Variants in ZNF423 observed in about 807,000 individuals in gnomAD.
ZNF423 encodes the protein zinc finger protein 423.
In ZNF423, 12 loss-of-function variants were observed where a neutral mutation model predicts 95.8. The observed-to-expected ratio is 0.13, with a 90% CI of 0.08 to 0.20. The LOEUF (loss-of-function observed/expected upper bound fraction) is 0.20, where lower values mean the gene tolerates loss of function less well. Ranked by LOEUF, ZNF423 falls within the 10% of genes least tolerant of loss-of-function variation. The probability of loss-of-function intolerance (pLI) is 1.00; values close to 1 mark genes in which losing one functional copy is unlikely to be tolerated. For synonymous variants in ZNF423, 749 were observed against 711.9 expected, an observed-to-expected ratio of 1.05 and a Z score of -0.83; for missense variants, 1,316 against 1,737.1, an observed-to-expected ratio of 0.76 and a Z score of 4.31.
intron 7 of ZNF423, among the ~76,000 whole-genome samples, chr16:49,494,838 G>A (rs1001299261): frequency 6.6e-6 from 1 of 152,248 alleles, no homozygotes; most frequent in African/African-American, 2.4e-5. Context: ...ACAGCTAGAA[G>A]CTGTGGTTTG....
intron 2 of ZNF423, 70 bp downstream of exon 2, chr16:49,789,417 T>C: frequency 6.8e-7 from 1 of 1,478,624 alleles, no homozygotes; most frequent in Non-Finnish European, 9.2e-7. Context: ...ACCAGCTGGG[T>C]GGCTTTCTGA....
intron 1 of ZNF423, among the ~76,000 whole-genome samples, chr16:49,803,933 CTTTTTTTTT>C (rs535349308): frequency 9.1e-6 from 1 of 109,532 alleles, no homozygotes; most frequent in Non-Finnish European, 1.8e-5. Flanking sequence ...GGATGAGTTT[CTTTTTTTTT>C]TTTTTTTTTT....
intron 4 of ZNF423, among the ~76,000 whole-genome samples, chr16:49,631,952 C>T (rs1596748734): frequency 1.3e-5 from 2 of 152,170 alleles, no homozygotes; most frequent in Non-Finnish European, 1.5e-5. Context: ...CCATTCTCAG[C>T]TCCATGTCCC....
At chr16:49,629,690 G>A (rs1452834361) in intron 4 of ZNF423, among the ~76,000 whole-genome samples, 1 of 152,310 alleles carries the variant, frequency 6.6e-6, no homozygotes, top group East Asian at 1.9e-4. Context: ...AGAGAGCCAG[G>A]AATGTGTTTT....
At chr16:49,663,403 C>CT (rs906225276) in intron 3 of ZNF423, among the ~76,000 whole-genome samples, 18 of 151,790 alleles carry the variant, frequency 1.2e-4, no homozygotes, top group South Asian at 1.0e-3. Flanking sequence ...GCCCACCCCC[C>CT]TCGAGGCCCT....
At chr16:49,745,907 A>G (rs966091995) in intron 2 of ZNF423, among the ~76,000 whole-genome samples, 4 of 152,196 alleles carry the variant, frequency 2.6e-5, no homozygotes, top group Admixed American at 1.3e-4. Flanking sequence ...ACTGGGACCC[A>G]GTGAACTATC....
At position 49,636,116 on chromosome 16, in the gene ZNF423, G is replaced by A. The variant is rs1340786585; in HGVS notation, c.3060C>T (p.Asp1020=). ...GGAAGCCCGTGAGTGAGTTGCGCAG[G>A]TCAGGGTGCATCTGGCAGTGCTCAA... The part of the protein sequence containing the change: ...EFIEHCQMHP[D]LRNSLTGFRC... Residue 1020 remains aspartate (D), a synonymous_variant, in exon 4 of 8, where the codon GAC becomes GAT. Coordinates refer to ENST00000563137, the MANE Select transcript of ZNF423 (RefSeq NM_001379286.1). This position sits in a 1 kb window ranked among gnomAD's most constrained non-coding sequence, Gnocchi z 8.6. 3.1e-6 allele frequency: 5 copies of A among 1,613,828 alleles called. No homozygotes were observed. The highest frequency in any genetic ancestry group is 4.2e-6 in the Non-Finnish European group (5 of 1,180,048).
rs537633394 is a variant in ZNF423, at chr16:49,502,733, C to T, written c.3850-11429G>A. On this transcript the variant is annotated intron_variant, in intron 7 of 7. Coordinates refer to ENST00000563137, the MANE Select transcript of ZNF423 (RefSeq NM_001379286.1). The stretch of plus-strand genomic sequence containing the variant: ...TTACGAAAGCAGCCTCCCAAGGCAG[C>T]GTTCCTATTACTGTGCACACACCAC... Among the ~76,000 whole-genome samples, 17 of 151,854 alleles carry T rather than the reference C, an allele frequency of 1.1e-4. No homozygotes were observed. The South Asian group carries it at 1.2e-3, about 11-fold the overall frequency.
chr16:49,662,857 C>T (rs2030316095), intron 3 of ZNF423, among the ~76,000 whole-genome samples: 1 of 152,226 alleles, frequency 6.6e-6, no homozygotes, highest in South Asian at 2.1e-4. Flanking sequence ...GGCACATTTT[C>T]TGAGATGCCC....
intron 3 of ZNF423, among the ~76,000 whole-genome samples, chr16:49,707,314 T>C (rs1345270168): frequency 6.6e-6 from 1 of 152,072 alleles, no homozygotes; most frequent in Middle Eastern, 3.2e-3. Context: ...GGAGAACCTA[T>C]ATACAGAAAA....
intron 3 of ZNF423, among the ~76,000 whole-genome samples, chr16:49,661,809 G>C (rs946659940): frequency 6.6e-6 from 1 of 152,162 alleles, no homozygotes; most frequent in Admixed American, 6.5e-5. Flanking sequence ...GAGCCAGAGA[G>C]CCTCCGTTCA....
intron 3 of ZNF423, among the ~76,000 whole-genome samples, chr16:49,696,635 C>G (rs1360758063): frequency 6.6e-6 from 1 of 152,262 alleles, no homozygotes; most frequent in East Asian, 1.9e-4. Flanking sequence ...GAGGCTGTGA[C>G]GGCACCTACC....
intron 2 of ZNF423, among the ~76,000 whole-genome samples, chr16:49,732,280 A>T (rs2033187438): frequency 6.6e-6 from 1 of 152,232 alleles, no homozygotes. Context: ...AATAAGACAC[A>T]CCAGGAACTT....
chr16:49,608,137 C>A (rs116870983), intron 5 of ZNF423, among the ~76,000 whole-genome samples: 4,881 of 152,318 alleles, frequency 0.032, 124 homozygotes, highest in South Asian at 0.086. Flanking sequence ...TGGGACCCCA[C>A]CCCAGCCTGT....
At chr16:49,840,497 C>T (rs539874513) in intron 1 of ZNF423, among the ~76,000 whole-genome samples, 14 of 152,224 alleles carry the variant, frequency 9.2e-5, no homozygotes, top group Admixed American at 3.3e-4. Flanking sequence ...CACAATGCTC[C>T]GAAAATATCT....
At chr16:49,546,207 A>G (rs542891229) in intron 5 of ZNF423, among the ~76,000 whole-genome samples, 1 of 152,186 alleles carries the variant, frequency 6.6e-6, no homozygotes, top group African/African-American at 2.4e-5. Flanking sequence ...TTGCACAATA[A>G]ATGTCTTCTG....
intron 2 of ZNF423, among the ~76,000 whole-genome samples, chr16:49,758,981 G>A (rs529233436): frequency 2.6e-5 from 4 of 152,330 alleles, no homozygotes; most frequent in Non-Finnish European, 5.9e-5. Flanking sequence ...CTAGACCTGG[G>A]AAGTGGTTTC....
intron 2 of ZNF423, among the ~76,000 whole-genome samples, chr16:49,742,389 C>G (rs886310736): frequency 6.6e-6 from 1 of 152,052 alleles, no homozygotes; most frequent in Non-Finnish European, 1.5e-5. Context: ...TCAAACACCC[C>G]CTGCAAGAAA....
chr16:49,840,203 C>T (rs2035168330), intron 1 of ZNF423, among the ~76,000 whole-genome samples: 2 of 152,168 alleles, frequency 1.3e-5, no homozygotes, highest in Admixed American at 6.5e-5. Flanking sequence ...AAATTATTAA[C>T]ATCTCTCAGA....
Sources: allele counts gnomAD v4.1 joint callset (sites outside exome capture counted in the v4.1 genomes callset), GRCh38; gene constraint gnomAD v4.1.1; non-coding constraint Gnocchi (gnomAD v3.1); transcripts MANE v1.5; gene names NCBI Gene and HGNC (gene_info 2026-07-23, HGNC 2026-07-21).